Variants in ASF1A observed in about 807,000 individuals in gnomAD.
ASF1A encodes the protein histone chaperone ASF1A.
A neutral mutation model predicts 22.0 loss-of-function variants in ASF1A; 5 were observed. That is an observed-to-expected ratio of 0.23 (90% CI 0.12 to 0.48). The LOEUF (loss-of-function observed/expected upper bound fraction) is 0.48, where lower values mean the gene tolerates loss of function less well. Ranked by LOEUF, ASF1A falls within the 20% of genes least tolerant of loss-of-function variation. The pLI, the probability that ASF1A is intolerant of heterozygous loss-of-function variation, is 0.99. For synonymous variants in ASF1A, 97 were observed against 86.7 expected, an observed-to-expected ratio of 1.12 and a Z score of -0.66; for missense variants, 137 against 240.6, an observed-to-expected ratio of 0.57 and a Z score of 2.85.
intron 2 of ASF1A, among the ~76,000 whole-genome samples, chr6:118,902,847 T>C (rs922988112): frequency 1.3e-5 from 2 of 152,220 alleles, no homozygotes; most frequent in African/African-American, 4.8e-5. Context: ...TTAAAACTAC[T>C]ATAGTAATCT....
At chr6:118,894,845 G>A (rs1022287091) in intron 1 of ASF1A, among the ~76,000 whole-genome samples, 4 of 152,196 alleles carry the variant, frequency 2.6e-5, no homozygotes, top group Non-Finnish European at 5.9e-5. Context: ...GTCGCGCCGG[G>A]CTGGCTCCGC....
Position 118,907,974 on chromosome 6 carries a change from T to C in ASF1A, c.*360T>C, listed in dbSNP as rs115684006. On this transcript the variant is annotated 3_prime_UTR_variant, in exon 4 of 4. Transcript: ENST00000229595. ...GACAGTCTTTGGACCACTATTTTAC[T>C]GGCCTTTGAAAGAACAAAGTTTACT... 4.8e-3 allele frequency: 786 copies of C among 164,474 alleles called. 4 individuals are homozygous for C. The highest frequency in any genetic ancestry group is 0.017 in the African/African-American group (727 of 41,866). The allele number at this position is 164,474 out of a possible 1,614,324, so 10.2% of individuals were successfully genotyped here. A position where few individuals can be genotyped will look rare whatever the true frequency, so the allele number is the denominator to read the frequency against.
Position 118,908,194 on chromosome 6 carries a change from C to T in ASF1A, c.*580C>T, listed in dbSNP as rs900404624. 1 of 152,134 alleles carries T rather than the reference C, an allele frequency of 6.6e-6. No individual in the cohort carries two copies. Among genetic ancestry groups the T allele is most frequent in the Non-Finnish European group, 1.5e-5 (1 of 68,020 alleles). The allele number at this position is 152,134 out of a possible 1,614,324, so 9.4% of individuals were successfully genotyped here. On this transcript the variant is annotated 3_prime_UTR_variant, in exon 4 of 4. Transcript: ENST00000229595. ...CTATTATAGTTCATGAGATGTTGGACAGCATTTGGTTTGTTTGGTAAGAGA... is the reference window on the plus strand; with the variant it reads ...CTATTATAGTTCATGAGATGTTGGATAGCATTTGGTTTGTTTGGTAAGAGA...
At chr6:118,900,569 A>C (rs1377524891) in intron 1 of ASF1A, among the ~76,000 whole-genome samples, 197 bp from the exon 2 acceptor site, 1 of 152,208 alleles carries the variant, frequency 6.6e-6, no homozygotes, top group East Asian at 1.9e-4. Flanking sequence ...TTCACAAAAG[A>C]GTATTTTGAG....
intron 3 of ASF1A, 96 bp from the exon 4 acceptor site, chr6:118,907,306 G>A (rs966722854): frequency 6.4e-6 from 5 of 785,738 alleles, no homozygotes; most frequent in Non-Finnish European, 1.0e-5. Flanking sequence ...AGCCCTTTAG[G>A]AGTACTAACA....
intron 1 of ASF1A, 109 bp downstream of exon 1, chr6:118,894,631 C>CG: frequency 1.0e-6 from 1 of 982,402 alleles, no homozygotes. Flanking sequence ...CTGGCGGCCG[C>CG]GGGCTGCTCT....
At position 118,894,170 on chromosome 6, in the gene ASF1A, A is replaced by G; in HGVS notation, c.-244A>G. 3.1e-6 allele frequency: 4 copies of G among 1,271,594 alleles called. No homozygotes were observed. Among genetic ancestry groups the G allele is most frequent in the East Asian group, 6.7e-5 (2 of 29,646 alleles). 78.8% of individuals were successfully genotyped at this position (1,271,594 alleles called of 1,614,324 possible). ...GAGGGTCAGAACTCGGGTGCAGCCA[A>G]TCGAGGGCAACGCTGCTACTTATCA... On this transcript the variant is annotated 5_prime_UTR_variant, in exon 1 of 4. Coordinates refer to ENST00000229595, the MANE Select transcript of ASF1A (RefSeq NM_014034.3).
chr6:118,907,103 A>AT (rs1780234576), intron 3 of ASF1A, among the ~76,000 whole-genome samples: 1 of 152,230 alleles, frequency 6.6e-6, no homozygotes, highest in South Asian at 2.1e-4. Flanking sequence ...ATTTTCAAAA[A>AT]TGAGGAGATT....
At chr6:118,906,755 T>G (rs753208674) in intron 3 of ASF1A, among the ~76,000 whole-genome samples, 17 of 152,216 alleles carry the variant, frequency 1.1e-4, no homozygotes, top group Non-Finnish European at 2.1e-4. Flanking sequence ...TATAACAGTT[T>G]GGTAACTGGT....
chr6:118,903,203 A>C (rs1417042317), intron 2 of ASF1A, among the ~76,000 whole-genome samples: 1 of 152,198 alleles, frequency 6.6e-6, no homozygotes, highest in Non-Finnish European at 1.5e-5. Context: ...GTACTGAACT[A>C]TTATATATTT....
At chr6:118,906,010 A>G (rs1398351102) in intron 3 of ASF1A, among the ~76,000 whole-genome samples, 182 bp downstream of exon 3, 1 of 152,212 alleles carries the variant, frequency 6.6e-6, no homozygotes, top group Non-Finnish European at 1.5e-5. Context: ...CCCTACCTTC[A>G]GATGAGTCAT....
intron 1 of ASF1A, among the ~76,000 whole-genome samples, chr6:118,896,637 T>C (rs1779437139): frequency 6.6e-6 from 1 of 152,146 alleles, no homozygotes; most frequent in Non-Finnish European, 1.5e-5. Flanking sequence ...TGAGCATTTA[T>C]TTAGTATTTT....
At position 118,894,298 on chromosome 6, in the gene ASF1A, G is replaced by C. The variant is rs1161250044; in HGVS notation, c.-116G>C. ...GAAAAAAGTTTCTCAAGTCGCCGCTGCACGACGTCTGGCCGGCGCTGGAGC... is the reference window on the plus strand; with the variant it reads ...GAAAAAAGTTTCTCAAGTCGCCGCTCCACGACGTCTGGCCGGCGCTGGAGC... On this transcript the variant is annotated 5_prime_UTR_variant, in exon 1 of 4. Transcript: ENST00000229595. 13 of 1,489,672 alleles carry C rather than the reference G, an allele frequency of 8.7e-6. No individual in the cohort carries two copies. Among genetic ancestry groups the C allele is most frequent in the Non-Finnish European group, 1.2e-5 (13 of 1,124,262 alleles). 92.3% of individuals were successfully genotyped at this position (1,489,672 alleles called of 1,614,324 possible).
intron 1 of ASF1A, among the ~76,000 whole-genome samples, chr6:118,895,992 G>C (rs143349517): frequency 0.01 from 1,573 of 150,476 alleles, 30 homozygotes; most frequent in African/African-American, 0.036. Flanking sequence ...TCAGTGCCTT[G>C]CCCTATCTCC....
rs760098486 is a variant in ASF1A at position 118,905,725 on chromosome 6, C to G, written c.299C>G (p.Thr100Ser). Reference protein sequence around the residue: ...VGVTVVLITCTYRGQEFIRVG... With the variant: ...VGVTVVLITCSYRGQEFIRVG... ...GTAACTGTTGTGCTAATTACTTGTA[C>G]CTATCGAGGACAAGAATTTATTAGA... The change falls in exon 3 of 4, where the codon ACC (threonine) becomes AGC (serine). Residue 100 changes from threonine (T) to serine (S), a missense_variant. Physicochemically the swap from Thr to Ser is moderately conservative, Grantham distance 58 (BLOSUM62 1). Around this residue, in one of 2 missense-constraint regions of ASF1A, gnomAD observed 96 missense variants for 196.7 expected, o/e 0.49. Transcript: ENST00000229595. 1 of 1,613,526 alleles carries G rather than the reference C, an allele frequency of 6.2e-7. No homozygotes were observed.
intron 1 of ASF1A, among the ~76,000 whole-genome samples, chr6:118,899,026 C>G (rs1779623805): frequency 6.6e-6 from 1 of 152,150 alleles, no homozygotes; most frequent in Non-Finnish European, 1.5e-5. Context: ...TCCCCTACCC[C>G]ACATCACCTC....
intron 1 of ASF1A, among the ~76,000 whole-genome samples, chr6:118,895,412 A>C (rs1779324828): frequency 6.6e-6 from 1 of 152,218 alleles, no homozygotes; most frequent in Admixed American, 6.5e-5. Flanking sequence ...AAGATACTTA[A>C]ATAATTTCCA....
chr6:118,905,672 A>T lies in ASF1A; in HGVS notation c.246A>T (p.Gly82=), dbSNP rs1456070963. The change falls in exon 3 of 4, where the codon GGA becomes GGT. Residue 82 remains glycine (G), a synonymous_variant. Coordinates refer to ENST00000229595, the MANE Select transcript of ASF1A (RefSeq NM_014034.3). ...TCTAGGCTGATGCACCTAATCCAGGACTCATTCCAGATGCAGATGCAGTAG... is the reference window on the plus strand; with the variant it reads ...TCTAGGCTGATGCACCTAATCCAGGTCTCATTCCAGATGCAGATGCAGTAG... ...FVFQADAPNP[G]LIPDADAVGV... is the part of the protein sequence containing the mutation. The T allele has an allele frequency of 1.2e-6, 2 of 1,612,484 alleles. No homozygotes were observed. The highest frequency in any genetic ancestry group is 2.7e-5 in the African/African-American group (2 of 74,856).
chr6:118,907,141 A>C (rs567199168), intron 3 of ASF1A, among the ~76,000 whole-genome samples: 1 of 152,308 alleles, frequency 6.6e-6, no homozygotes, highest in South Asian at 2.1e-4. Flanking sequence ...GAAGTATAGG[A>C]GTTAAATAGT....
Sources: allele counts gnomAD v4.1 joint callset (sites outside exome capture counted in the v4.1 genomes callset), GRCh38; gene constraint gnomAD v4.1.1; regional missense constraint gnomAD v4.1.1; transcripts MANE v1.5; gene names NCBI Gene and HGNC (gene_info 2026-07-23, HGNC 2026-07-21).